Variants in CIST1 observed in about 807,000 individuals in gnomAD.
CIST1 encodes the protein colon, intestine and stomach enriched 1.
the CIST1 span, among the ~76,000 whole-genome samples, chr19:18,251,046 G>T: frequency 5.9e-5 from 9 of 151,962 alleles, no homozygotes; most frequent in African/African-American, 2.2e-4. Flanking sequence ...AAAGTGCTGG[G>T]ATTACAGGCG....
the CIST1 span, chr19:18,250,150 CA>C: frequency 2.5e-6 from 1 of 398,720 alleles, no homozygotes. Flanking sequence ...AGGTGGTGGG[CA>C]AAGGACAATC....
At chr19:18,252,553 C>G in the CIST1 span, 10 of 398,044 alleles carry the variant, frequency 2.5e-5, no homozygotes, top group Non-Finnish European at 4.4e-5. Flanking sequence ...TCACTTGAAC[C>G]CAGGAATTAG....
At chr19:18,251,211 C>T in the CIST1 span, among the ~76,000 whole-genome samples, 2 of 150,760 alleles carry the variant, frequency 1.3e-5, no homozygotes, top group Non-Finnish European at 3.0e-5. Context: ...CTCCAACCTC[C>T]GCCTCCTGGG....
the CIST1 span, chr19:18,252,244 GGGA>G: frequency 2.5e-6 from 1 of 399,030 alleles, no homozygotes; most frequent in Non-Finnish European, 4.4e-6. Context: ...TCTGGTTGTG[GGGA>G]GGAGGGTATC....
At chr19:18,253,413 C>T in the CIST1 span, among the ~76,000 whole-genome samples, 1 of 151,942 alleles carries the variant, frequency 6.6e-6, no homozygotes, top group Non-Finnish European at 1.5e-5. Flanking sequence ...ATTAGCCAGG[C>T]ATGGTGGTGC....
the CIST1 span, among the ~76,000 whole-genome samples, chr19:18,250,693 A>G: frequency 6.6e-6 from 1 of 151,632 alleles, no homozygotes; most frequent in Non-Finnish European, 1.5e-5. Flanking sequence ...TGCAGCCTCT[A>G]TCTCCTGGGC....
the CIST1 span, chr19:18,252,072 G>A: frequency 1.3e-5 from 5 of 398,796 alleles, no homozygotes; most frequent in African/African-American, 6.2e-5. Flanking sequence ...ACCTGGGCCA[G>A]GGGGCTCCAA....
chr19:18,251,589 C>T, the CIST1 span, among the ~76,000 whole-genome samples: 7 of 151,572 alleles, frequency 4.6e-5, no homozygotes. Context: ...CGTCTGCCAC[C>T]ACGCCTGGCT....
chr19:18,255,144 G>A, the CIST1 span: 3 of 397,706 alleles, frequency 7.5e-6, no homozygotes, highest in East Asian at 7.1e-5. This position sits in a 1 kb window ranked among gnomAD's most constrained non-coding sequence, Gnocchi z 4.6. Flanking sequence ...CAGAAGCCAG[G>A]TGTGTGACTG....
the CIST1 span, among the ~76,000 whole-genome samples, chr19:18,251,881 G>A: frequency 6.6e-6 from 1 of 151,828 alleles, no homozygotes; most frequent in Admixed American, 6.6e-5. Context: ...GTGCCCAGCC[G>A]TGACATACAC....
At chr19:18,252,614 CTCTT>C in the CIST1 span, 2 of 379,106 alleles carry the variant, frequency 5.3e-6, no homozygotes, top group East Asian at 3.7e-5. Context: ...CTTTCTCTCT[CTCTT>C]TTTTTTTTTC....
chr19:18,251,680 C>CG, the CIST1 span, among the ~76,000 whole-genome samples: 20 of 82,224 alleles, frequency 2.4e-4, no homozygotes, highest in Admixed American at 7.5e-4. Flanking sequence ...TGATACACGC[C>CG]CCCCCCGCCC....
the CIST1 span, among the ~76,000 whole-genome samples, chr19:18,254,778 A>G: frequency 6.6e-6 from 1 of 152,176 alleles, no homozygotes; most frequent in Non-Finnish European, 1.5e-5. Context: ...GTCTTATAGG[A>G]GAGCAAGAGG....
chr19:18,252,101 C>T, the CIST1 span: 3 of 399,098 alleles, frequency 7.5e-6, no homozygotes, highest in Non-Finnish European at 1.3e-5. Flanking sequence ...CAGTGGAGGT[C>T]AAGGGCTCCG....
chr19:18,254,862 T>C, the CIST1 span, among the ~76,000 whole-genome samples: 2 of 152,320 alleles, frequency 1.3e-5, no homozygotes, highest in East Asian at 3.8e-4. Flanking sequence ...TGAGTCCCTG[T>C]TCCCTGGAAC....
chr19:18,252,286 G>C, the CIST1 span: 1 of 399,198 alleles, frequency 2.5e-6, no homozygotes, highest in African/African-American at 2.1e-5. Context: ...CTGGGGCTCG[G>C]CTGGATGGTA....
the CIST1 span, among the ~76,000 whole-genome samples, chr19:18,253,563 A>AAAAAC: frequency 1.4e-5 from 2 of 141,760 alleles, no homozygotes; most frequent in Middle Eastern, 3.7e-3. Flanking sequence ...AAAAAAAAAA[A>AAAAAC]ACACACACAC....
the CIST1 span, among the ~76,000 whole-genome samples, chr19:18,251,445 A>G: frequency 1.4e-5 from 2 of 146,354 alleles, no homozygotes; most frequent in Non-Finnish European, 3.0e-5. Context: ...TTATTTATTT[A>G]TTTATTTGAG....
the CIST1 span, chr19:18,250,318 C>T: frequency 7.5e-6 from 3 of 399,054 alleles, no homozygotes; most frequent in Non-Finnish European, 1.3e-5. Context: ...TTACCATGGA[C>T]ACCTCGTCCA....
Sources: gnomAD v4.1 joint callset for allele counts (sites outside exome capture counted in the v4.1 genomes callset) on GRCh38, gnomAD v4.1.1 for gene constraint, Gnocchi (gnomAD v3.1) non-coding constraint, MANE v1.5 for transcripts, NCBI Gene and HGNC (gene_info 2026-07-23, HGNC 2026-07-21) for gene names.